Variants in SLC22A24 observed in about 807,000 individuals in gnomAD.
SLC22A24 encodes the protein solute carrier family 22 member 24, also known as steroid transmembrane transporter SLC22A24.
SLC22A24 carries 53 observed loss-of-function variants against 49.8 expected under a neutral mutation model. The observed-to-expected ratio is 1.06, with a 90% CI of 0.85 to 1.34. The LOEUF is 1.34. Among genes scored for constraint, SLC22A24 ranks in the 40% most tolerant of loss-of-function variants. SLC22A24 has a pLI of 0.00. For missense variants in SLC22A24, 786 were observed against 675.9 expected (o/e 1.16, Z -1.81); for synonymous variants, 302 against 256.4 (o/e 1.18, Z -1.70).
chr11:63,141,019 C>T (rs1303992904), intron 1 of SLC22A24, among the ~76,000 whole-genome samples: 1 of 152,196 alleles, frequency 6.6e-6, no homozygotes, highest in Non-Finnish European at 1.5e-5. Context: ...GGTTAGAACA[C>T]TAATCATACT....
chr11:63,113,141 CAT>C (rs1186465353), intron 4 of SLC22A24, among the ~76,000 whole-genome samples: 75 of 5,584 alleles, frequency 0.013, 19 homozygotes, highest in African/African-American at 0.036. Context: ...TATATATACA[CAT>C]ATATATATAC....
intron 4 of SLC22A24, among the ~76,000 whole-genome samples, chr11:63,108,177 A>G (rs2087135144): frequency 6.6e-6 from 1 of 152,190 alleles, no homozygotes; most frequent in Non-Finnish European, 1.5e-5. Flanking sequence ...CCTTTTCTGC[A>G]TCTATTGAGA....
intron 5 of SLC22A24, among the ~76,000 whole-genome samples, chr11:63,100,585 G>A (rs1420165575): frequency 2.6e-5 from 4 of 152,090 alleles, no homozygotes; most frequent in African/African-American, 9.7e-5. Flanking sequence ...AACCACAAAT[G>A]ACTTAGAATA....
At chr11:63,095,388 A>G (rs2087047603) in intron 6 of SLC22A24, among the ~76,000 whole-genome samples, 1 of 152,208 alleles carries the variant, frequency 6.6e-6, no homozygotes, top group Non-Finnish European at 1.5e-5. Context: ...AATGACCTAC[A>G]ATTAATTAAA....
intron 4 of SLC22A24, among the ~76,000 whole-genome samples, chr11:63,113,179 TATATATATAC>T (rs2087185300): frequency 6.5e-4 from 3 of 4,636 alleles, no homozygotes; most frequent in African/African-American, 9.4e-4. Flanking sequence ...TATATATACA[TATATATATAC>T]ACATATATAT....
In SLC22A24 at chr11:63,143,516, A is replaced by G; in HGVS notation, c.264T>C (p.Cys88=). The change falls in exon 1 of 10, where the codon TGT becomes TGC. Residue 88 remains cysteine, a synonymous_variant. Coordinates refer to ENST00000612278, the MANE Select transcript of SLC22A24 (RefSeq NM_001136506.2). The stretch of plus-strand genomic sequence containing the variant: ...GCCACTGGGGATGGATAAAGCGCTG[A>G]CACTTCTGTGGCCTCAGGTTTGAGT... ...PLDSNLRPQK[C]QRFIHPQWQL... The G allele has an allele frequency of 1.3e-6, 2 of 1,599,614 alleles. No homozygotes were observed. Among genetic ancestry groups the G allele is most frequent in the South Asian group, 1.1e-5 (1 of 88,798 alleles).
intron 4 of SLC22A24, among the ~76,000 whole-genome samples, chr11:63,111,540 C>G (rs1426798624): frequency 5.3e-5 from 8 of 151,768 alleles, no homozygotes; most frequent in Non-Finnish European, 8.8e-5. Context: ...TGTTATTGGT[C>G]TATTCAGAGA....
chr11:63,120,428 A>G (rs544383207), intron 2 of SLC22A24, among the ~76,000 whole-genome samples: 1 of 152,014 alleles, frequency 6.6e-6, no homozygotes, highest in South Asian at 2.1e-4. Flanking sequence ...CAATGTGCAC[A>G]TGTACCCTAA....
intron 2 of SLC22A24, among the ~76,000 whole-genome samples, chr11:63,120,072 G>A (rs564436678): frequency 5.8e-4 from 88 of 151,098 alleles, no homozygotes; most frequent in Non-Finnish European, 1.0e-3. Context: ...TTTGTAGGTT[G>A]CCTGTTCACT....
rs995526562 is a variant in SLC22A24, at chr11:63,104,176, T to C, written c.953A>G (p.Glu318Gly). Residue 318 changes from glutamate to glycine, a missense_variant and splice_region_variant, in exon 5 of 10, where the codon GAG becomes GGG. Transcript: ENST00000612278. ...KKNTEETLTT[E>G]LVRSTMKKEL... Reference sequence around the variant, plus strand: ...AATCATTTCCCCTTTCCAGATCACCTCAGTGGTCAGTGTCTCTTCAGTATT... The same window carrying C: ...AATCATTTCCCCTTTCCAGATCACCCCAGTGGTCAGTGTCTCTTCAGTATT... The C allele has an allele frequency of 9.7e-6, 15 of 1,549,368 alleles. No homozygotes were observed. The African/African-American group carries it at 1.9e-4, about 20-fold the overall frequency.
At chr11:63,129,109 G>A (rs1004152048) in intron 2 of SLC22A24, among the ~76,000 whole-genome samples, 4 of 152,148 alleles carry the variant, frequency 2.6e-5, no homozygotes, top group Non-Finnish European at 5.9e-5. Flanking sequence ...ATGGTGTTAG[G>A]TCTTACATTT....
chr11:63,108,936 G>C (rs568719538), intron 4 of SLC22A24, among the ~76,000 whole-genome samples: 1 of 143,176 alleles, frequency 7.0e-6, no homozygotes, highest in African/African-American at 2.6e-5. Flanking sequence ...ATGCTGGTGT[G>C]CTGCACCCAC....
chr11:63,098,605 G>A (rs1262795786), intron 5 of SLC22A24, among the ~76,000 whole-genome samples: 1 of 152,108 alleles, frequency 6.6e-6, no homozygotes, highest in East Asian at 1.9e-4. Context: ...GAAGGTTGCA[G>A]TAAGCCAAGA....
At chr11:63,104,677 G>A (rs2087109698) in intron 4 of SLC22A24, among the ~76,000 whole-genome samples, 1 of 152,096 alleles carries the variant, frequency 6.6e-6, no homozygotes, top group Non-Finnish European at 1.5e-5. Flanking sequence ...CAAAAGGGAA[G>A]CCCTTATAAA....
chr11:63,103,232 A>T (rs542729720), intron 5 of SLC22A24, among the ~76,000 whole-genome samples: 1 of 152,050 alleles, frequency 6.6e-6, no homozygotes, highest in Non-Finnish European at 1.5e-5. Flanking sequence ...TGTATTTATT[A>T]GTTTTGCTTA....
At chr11:63,135,778 CT>C (rs2087369743) in intron 1 of SLC22A24, among the ~76,000 whole-genome samples, 1 of 152,182 alleles carries the variant, frequency 6.6e-6, no homozygotes, top group African/African-American at 2.4e-5. Context: ...GTGGAGACAA[CT>C]TGCAACATCA....
At position 63,143,597 on chromosome 11, in the gene SLC22A24, G is replaced by A. The variant is rs760608939; in HGVS notation, c.183C>T (p.Asp61=). 4 of 1,575,976 alleles carry A rather than the reference G, an allele frequency of 2.5e-6. No homozygotes were observed. Among genetic ancestry groups the A allele is most frequent in the Non-Finnish European group, 3.4e-6 (4 of 1,162,402 alleles). ...CCTTGCTGAGGGTCCCGGTATCATT[G>A]TCAGACACAGTGTCATTGTCCAGGA... ...VPLLDNDTVS[D]NDTGTLSKDD... is the part of the protein sequence containing the mutation. The change falls in exon 1 of 10, where the codon GAC becomes GAT. Residue 61 remains aspartate, a synonymous_variant. Transcript: ENST00000612278.
At chr11:63,113,081 CATATAT>C (rs1275523961) in intron 4 of SLC22A24, among the ~76,000 whole-genome samples, 1 of 944 alleles carries the variant, frequency 1.1e-3, no homozygotes, top group African/African-American at 1.4e-3. Flanking sequence ...TATATATACA[CATATAT>C]ATACATATAT....
intron 1 of SLC22A24, among the ~76,000 whole-genome samples, chr11:63,135,165 C>T (rs1040272656): frequency 6.6e-6 from 1 of 152,086 alleles, no homozygotes; most frequent in East Asian, 1.9e-4. Context: ...ATAAAACCCC[C>T]ACAATCTTTC....
Sources: gnomAD v4.1 joint callset for allele counts (sites outside exome capture counted in the v4.1 genomes callset) on GRCh38, gnomAD v4.1.1 for gene constraint, MANE v1.5 for transcripts, NCBI Gene and HGNC (gene_info 2026-07-23, HGNC 2026-07-21) for gene names.